The following CADPS variants were observed in gnomAD, a reference collection of about 807,000 sequenced individuals.
CADPS encodes calcium dependent secretion activator.
A neutral mutation model predicts 167.3 loss-of-function variants in CADPS; 57 were observed. The observed-to-expected ratio is 0.34, with a 90% CI of 0.28 to 0.42. The LOEUF (loss-of-function observed/expected upper bound fraction) is 0.42. CADPS is among the 20% of genes least tolerant of loss of function. The probability of loss-of-function intolerance (pLI) is 1.00; values close to 1 mark genes in which losing one functional copy is unlikely to be tolerated. For missense variants in CADPS, 1,414 were observed against 1,738.1 expected, an observed-to-expected ratio of 0.81 and a Z score of 3.32; for synonymous variants, 676 against 635.3, an observed-to-expected ratio of 1.06 and a Z score of -0.96.
chr3:62,688,245 TAACCAAAAA>T (rs56137350), intron 3 of CADPS, among the ~76,000 whole-genome samples: 144,570 of 151,654 alleles, frequency 0.95, 69,310 homozygotes, highest in East Asian at 1. Context: ...CCTGTCATGC[TAACCAAAAA>T]AACCAAAAAT....
chr3:62,676,554 T>A (rs1345101522), intron 3 of CADPS, among the ~76,000 whole-genome samples: 1 of 152,040 alleles, frequency 6.6e-6, no homozygotes, highest in African/African-American at 2.4e-5. Flanking sequence ...TTGGGGAAAA[T>A]CAGATACCTA....
intron 7 of CADPS, among the ~76,000 whole-genome samples, chr3:62,589,215 C>G (rs2085367153): frequency 1.3e-5 from 2 of 152,224 alleles, no homozygotes; most frequent in Non-Finnish European, 2.9e-5. Flanking sequence ...TAGAAACACT[C>G]TCTCGTGAGG....
At chr3:62,710,678 G>C (rs545181021) in intron 3 of CADPS, among the ~76,000 whole-genome samples, 2 of 152,052 alleles carry the variant, frequency 1.3e-5, no homozygotes, top group African/African-American at 4.8e-5. Flanking sequence ...CTAGGGCTCC[G>C]AGTCACCAAT....
At chr3:62,841,434 AG>A (rs1387421058) in intron 1 of CADPS, among the ~76,000 whole-genome samples, 3 of 152,324 alleles carry the variant, frequency 2.0e-5, no homozygotes, top group African/African-American at 7.2e-5. Flanking sequence ...TTCATATTAA[AG>A]CTGGGCATGA....
chr3:62,521,185 G>A (rs2070475728), intron 13 of CADPS, among the ~76,000 whole-genome samples: 1 of 152,036 alleles, frequency 6.6e-6, no homozygotes, highest in African/African-American at 2.4e-5. Context: ...TAGTGCTGCT[G>A]GTTCGAGGAC....
chr3:62,476,122 T>C (rs2061290825), intron 23 of CADPS, among the ~76,000 whole-genome samples: 1 of 152,210 alleles, frequency 6.6e-6, no homozygotes, highest in African/African-American at 2.4e-5. Flanking sequence ...AGAGGCTCTG[T>C]AAATGTCTGT....
chr3:62,552,121 C>G (rs1385307281), intron 10 of CADPS, among the ~76,000 whole-genome samples: 1 of 149,602 alleles, frequency 6.7e-6, no homozygotes, highest in Non-Finnish European at 1.5e-5. Flanking sequence ...GGGCAGTTCT[C>G]AAGGTTAAAA....
intron 3 of CADPS, among the ~76,000 whole-genome samples, chr3:62,717,924 C>T (rs1434617919): frequency 1.3e-5 from 2 of 152,188 alleles, no homozygotes; most frequent in African/African-American, 4.8e-5. Context: ...ACATCACACT[C>T]AGTTTCTTCT....
intron 18 of CADPS, among the ~76,000 whole-genome samples, chr3:62,496,073 C>CT (rs56913608): frequency 0.016 from 2,312 of 140,562 alleles, 36 homozygotes; most frequent in African/African-American, 0.042. Flanking sequence ...CTTTTCTTTT[C>CT]TTTTTTTTTT....
At chr3:62,622,995 A>G (rs902766408) in intron 6 of CADPS, among the ~76,000 whole-genome samples, 5 of 152,226 alleles carry the variant, frequency 3.3e-5, no homozygotes, top group Admixed American at 6.5e-5. Flanking sequence ...CAACTAATAA[A>G]GAGGAATTGT....
At position 62,862,994 on chromosome 3, in the gene CADPS, T is replaced by C. The variant is rs150785559; in HGVS notation, c.441+11595A>G. Among the ~76,000 whole-genome samples, 55 of 152,362 alleles carry C rather than the reference T, an allele frequency of 3.6e-4. 2 individuals are homozygous for C. The highest frequency in any genetic ancestry group is 1.3e-3 in the African/African-American group (53 of 41,592). ...TAATGAAGCAATGAGATAATCTCAG[T>C]GGATAGGCTACAAATTGTAGAGAAT... is the stretch of plus-strand genomic sequence containing the variant. On this transcript the variant is annotated intron_variant, in intron 1 of 29. Coordinates refer to ENST00000383710, the MANE Select transcript of CADPS (RefSeq NM_003716.4).
At chr3:62,659,827 G>C (rs549876391) in intron 4 of CADPS, among the ~76,000 whole-genome samples, 6 of 152,168 alleles carry the variant, frequency 3.9e-5, no homozygotes, top group Non-Finnish European at 8.8e-5. Flanking sequence ...TGGCATGAAC[G>C]AACATTGCAG....
At chr3:62,783,570 A>G (rs1032485998) in intron 1 of CADPS, among the ~76,000 whole-genome samples, 10 of 152,172 alleles carry the variant, frequency 6.6e-5, no homozygotes, top group African/African-American at 2.2e-4. Context: ...CTCAGCATTT[A>G]TTAGTTGTGA....
chr3:62,492,861 A>T (rs146308773), intron 19 of CADPS, among the ~76,000 whole-genome samples: 12 of 152,226 alleles, frequency 7.9e-5, no homozygotes, highest in African/African-American at 2.9e-4. Context: ...GAAAATTTGT[A>T]ATTATTGTTC....
chr3:62,809,870 C>T (rs1429759319), intron 1 of CADPS, among the ~76,000 whole-genome samples: 2 of 152,124 alleles, frequency 1.3e-5, no homozygotes, highest in Non-Finnish European at 2.9e-5. Context: ...TTAATAGACT[C>T]TCACCCCCAT....
intron 10 of CADPS, 42 bp from the exon 11 acceptor site, chr3:62,550,157 T>C: frequency 6.6e-7 from 1 of 1,521,188 alleles, no homozygotes; most frequent in Non-Finnish European, 9.1e-7. Flanking sequence ...AGCTGAGCTG[T>C]GATGTTCTCA....
chr3:62,677,962 A>G (rs936597461), intron 3 of CADPS, among the ~76,000 whole-genome samples: 1 of 151,986 alleles, frequency 6.6e-6, no homozygotes, highest in Non-Finnish European at 1.5e-5. Flanking sequence ...GAGGTGTGTA[A>G]TATCTTACAC....
chr3:62,836,462 G>C (rs552019232), intron 1 of CADPS, among the ~76,000 whole-genome samples: 3 of 152,100 alleles, frequency 2.0e-5, no homozygotes, highest in South Asian at 2.1e-4. Flanking sequence ...CAAAAGGAAG[G>C]CTCCTTGGCC....
At chr3:62,773,497 T>C (rs1351829541) in intron 1 of CADPS, among the ~76,000 whole-genome samples, 1 of 145,352 alleles carries the variant, frequency 6.9e-6, no homozygotes, top group Non-Finnish European at 1.6e-5. Context: ...GAGGCTGTTA[T>C]CCTAGACTTC....
Sources: gnomAD v4.1 joint callset for allele counts (sites outside exome capture counted in the v4.1 genomes callset) on GRCh38, gnomAD v4.1.1 for gene constraint, MANE v1.5 for transcripts, NCBI Gene and HGNC (gene_info 2026-07-23, HGNC 2026-07-21) for gene names.